HAO1: variants seen among roughly 807,000 people sequenced by gnomAD.
HAO1 encodes 2-Hydroxyacid oxidase 1.
HAO1 carries 34 observed loss-of-function variants against 39.7 expected under a neutral mutation model. That is an observed-to-expected ratio of 0.86 (90% confidence interval 0.65 to 1.14). The LOEUF is 1.14. HAO1 is among the 50% of genes most tolerant of loss of function. The probability of loss-of-function intolerance (pLI) is 0.00; values close to 1 mark genes in which losing one functional copy is unlikely to be tolerated. For missense variants in HAO1, 479 were observed against 464.5 expected (o/e 1.03, Z -0.29); for synonymous variants, 172 against 173.2 (o/e 0.99, Z 0.05).
intron 2 of HAO1, among the ~76,000 whole-genome samples, chr20:7,922,797 T>G (rs1162324883): frequency 6.6e-6 from 1 of 152,058 alleles, no homozygotes; most frequent in African/African-American, 2.4e-5. Context: ...CCAGTGTAAG[T>G]TTTTGGTTTC....
intron 3 of HAO1, among the ~76,000 whole-genome samples, chr20:7,909,642 A>T (rs1600112469): frequency 1.3e-5 from 2 of 151,858 alleles, no homozygotes; most frequent in East Asian, 3.9e-4. Flanking sequence ...CATCATAAAA[A>T]TAGTAACAAC....
At chr20:7,934,331 C>A (rs2122800242) in intron 2 of HAO1, among the ~76,000 whole-genome samples, 153 bp downstream of exon 2, 1 of 152,290 alleles carries the variant, frequency 6.6e-6, no homozygotes, top group East Asian at 1.9e-4. Context: ...AGGAGCAGGA[C>A]ATGCAAGAAC....
At chr20:7,909,391 A>ATG (rs2050266677) in intron 3 of HAO1, among the ~76,000 whole-genome samples, 2 of 141,352 alleles carry the variant, frequency 1.4e-5, no homozygotes, top group African/African-American at 2.7e-5. Context: ...ATATATATAT[A>ATG]TATATATATA....
chr20:7,897,775 A>G (rs2050204310), intron 4 of HAO1, among the ~76,000 whole-genome samples: 1 of 151,956 alleles, frequency 6.6e-6, no homozygotes, highest in South Asian at 2.1e-4. Flanking sequence ...GCTTTTCTAT[A>G]GATTCATCTT....
At position 7,885,551 on chromosome 20, in the gene HAO1, C is replaced by A. The variant is rs1457161049; in HGVS notation, c.1012G>T (p.Glu338Ter). Residue 338 changes from glutamate (E) to a stop codon, truncating the protein, a stop_gained, in exon 7 of 8, where the codon GAA becomes TAA. Coordinates refer to ENST00000378789, the MANE Select transcript of HAO1 (RefSeq NM_017545.3). LOFTEE classifies it high-confidence loss of function. ...AGAGCCATGGCCAACCGGAATTCTT[C>A]CTTTAGTATCTCGAGGACATCTTGA... ...GVQDVLEILK[E>*]EFRLAMALSG... 6.2e-7 allele frequency: 1 copy of A among 1,612,148 alleles called. No homozygotes were observed. The highest frequency in any genetic ancestry group is 8.5e-7 in the Non-Finnish European group (1 of 1,178,344).
chr20:7,885,591 CT>C lies in HAO1; in HGVS notation c.973-2del, dbSNP rs778879767. 1.9e-6 allele frequency: 3 copies of C among 1,608,528 alleles called. No individual in the cohort carries two copies. The highest frequency in any genetic ancestry group is 3.3e-5 in the Admixed American group (2 of 59,888). On this transcript the variant is annotated splice_acceptor_variant, in intron 6 of 7. Coordinates refer to ENST00000378789, the MANE Select transcript of HAO1 (RefSeq NM_017545.3). LOFTEE classifies it high-confidence loss of function. ...GGACATCTTGAACACCTTTCTCCCC[CT>C]AACCAAGTGAAAAGATACAGAGTGA...
intron 2 of HAO1, among the ~76,000 whole-genome samples, chr20:7,931,409 C>T (rs1461324830): frequency 6.6e-6 from 1 of 152,106 alleles, no homozygotes; most frequent in Non-Finnish European, 1.5e-5. Flanking sequence ...TGGTGAGGAG[C>T]CCAGATTCTG....
chr20:7,909,489 G>A, intron 3 of HAO1, among the ~76,000 whole-genome samples: 1 of 148,304 alleles, frequency 6.7e-6, no homozygotes, highest in South Asian at 2.1e-4. Context: ...TATTACTTAG[G>A]GCTTAATTCT....
intron 5 of HAO1, among the ~76,000 whole-genome samples, chr20:7,893,391 G>A (rs1469414220): frequency 6.6e-6 from 1 of 152,136 alleles, no homozygotes; most frequent in Non-Finnish European, 1.5e-5. Flanking sequence ...CCCCATTCCT[G>A]CCTGGGGACT....
At chr20:7,915,598 T>C (rs1050781110) in intron 2 of HAO1, among the ~76,000 whole-genome samples, 1 of 151,664 alleles carries the variant, frequency 6.6e-6, no homozygotes, top group Non-Finnish European at 1.5e-5. Flanking sequence ...AAGATAGAGA[T>C]AGAGAGATAG....
intron 7 of HAO1, among the ~76,000 whole-genome samples, chr20:7,884,392 G>A (rs2050141751): frequency 6.6e-6 from 1 of 152,130 alleles, no homozygotes; most frequent in African/African-American, 2.4e-5. Flanking sequence ...TGATATATAG[G>A]AGACAATAGG....
rs1163315842 is a variant in HAO1, at chr20:7,896,224, A to G, written c.722-1000T>C. 3.3e-5 allele frequency among the ~76,000 whole-genome samples: 5 copies of G among 152,342 alleles called. No individual in the cohort carries two copies. In the South Asian group the frequency reaches 1.0e-3, roughly 32 times the overall value. ...TTTTATATTCTAAACTATTATTTTT[A>G]GCATGTCCTAATAACAAACCATTTG... On this transcript the variant is annotated intron_variant, in intron 4 of 7. Transcript: ENST00000378789.
chr20:7,903,290 CTT>C (rs36037568), intron 4 of HAO1, among the ~76,000 whole-genome samples: 12,859 of 144,540 alleles, frequency 0.089, 1,111 homozygotes, highest in East Asian at 0.38. Flanking sequence ...CTCTCCTTAT[CTT>C]TTTTTTTTTT....
In HAO1 at chr20:7,913,586, G is replaced by A. The variant is rs189770318; in HGVS notation, c.545+578C>T. On this transcript the variant is annotated intron_variant, in intron 3 of 7. Coordinates refer to ENST00000378789, the MANE Select transcript of HAO1 (RefSeq NM_017545.3). Reference sequence around the variant, plus strand: ...TGTGGACAGGGTGAATGAATGACCTGATGAAACCTTTATAGTTCAACATCA... The same window carrying A: ...TGTGGACAGGGTGAATGAATGACCTAATGAAACCTTTATAGTTCAACATCA... Among the ~76,000 whole-genome samples, 34 of 152,284 alleles carry A rather than the reference G, an allele frequency of 2.2e-4. 1 individual carries two copies. The highest frequency in any genetic ancestry group is 2.2e-4 in the Non-Finnish European group (15 of 68,022).
intron 2 of HAO1, among the ~76,000 whole-genome samples, chr20:7,927,534 T>C (rs1162755455): frequency 6.6e-6 from 1 of 152,160 alleles, no homozygotes; most frequent in Non-Finnish European, 1.5e-5. Flanking sequence ...CGTAACACAG[T>C]GCATGAAAAA....
chr20:7,896,654 T>C (rs1213520586), intron 4 of HAO1, among the ~76,000 whole-genome samples: 1 of 152,162 alleles, frequency 6.6e-6, no homozygotes, highest in African/African-American at 2.4e-5. Flanking sequence ...TGATCCCCAA[T>C]GTGATGGCAT....
At chr20:7,904,749 G>C (rs1396070088) in intron 4 of HAO1, among the ~76,000 whole-genome samples, 2 of 152,070 alleles carry the variant, frequency 1.3e-5, no homozygotes, top group African/African-American at 2.4e-5. Context: ...GCACACAGTA[G>C]TTATGATATT....
intron 3 of HAO1, among the ~76,000 whole-genome samples, chr20:7,910,725 C>T (rs2050275341): frequency 6.6e-6 from 1 of 152,154 alleles, no homozygotes; most frequent in Admixed American, 6.5e-5. Flanking sequence ...TCTGCAAAGT[C>T]CCTTTTGCCA....
chr20:7,895,776 A>T (rs1446468049), intron 4 of HAO1, among the ~76,000 whole-genome samples: 1 of 152,158 alleles, frequency 6.6e-6, no homozygotes, highest in Non-Finnish European at 1.5e-5. Context: ...GGCCAGGTGC[A>T]GTGGCTCATG....
Sources: gnomAD v4.1 joint callset for allele counts (sites outside exome capture counted in the v4.1 genomes callset) on GRCh38, gnomAD v4.1.1 for gene constraint, MANE v1.5 for transcripts, NCBI Gene and HGNC (gene_info 2026-07-23, HGNC 2026-07-21) for gene names.